The following ZFHX4 variants were observed in gnomAD, a reference collection of about 807,000 sequenced individuals.
ZFHX4 encodes the protein zinc finger homeobox 4.
In ZFHX4, 56 loss-of-function variants were observed where a neutral mutation model predicts 267.6. The ratio of observed to expected loss-of-function variants is 0.21; its 90% CI spans 0.17 to 0.26. The LOEUF is 0.26. Ranked by LOEUF, ZFHX4 falls within the 10% of genes least tolerant of loss-of-function variation. ZFHX4 has a pLI of 1.00. For missense variants in ZFHX4, 4,332 were observed against 4,420.0 expected (o/e 0.98, Z 0.56); for synonymous variants, 1,778 against 1,665.6 (o/e 1.07, Z -1.64).
chr8:76,745,940 T>G (rs1809447278), intron 3 of ZFHX4, among the ~76,000 whole-genome samples: 1 of 152,198 alleles, frequency 6.6e-6, no homozygotes, highest in African/African-American at 2.4e-5. Flanking sequence ...TCCTTGTCAG[T>G]AGGAATCTTT....
At chr8:76,695,674 T>C (rs1268255251) in intron 1 of ZFHX4, among the ~76,000 whole-genome samples, 2 of 152,262 alleles carry the variant, frequency 1.3e-5, no homozygotes, top group Non-Finnish European at 2.9e-5. Flanking sequence ...TCCAGTTAAC[T>C]GTTCTCTTTC....
At chr8:76,790,093 T>G (rs1563523684) in intron 4 of ZFHX4, among the ~76,000 whole-genome samples, 1 of 152,170 alleles carries the variant, frequency 6.6e-6, no homozygotes, top group Non-Finnish European at 1.5e-5. Context: ...CTGGACAATT[T>G]GTTCTGTACA....
In ZFHX4 at chr8:76,864,253, C is replaced by T. The variant is rs1297633851; in HGVS notation, c.10539C>T (p.Asn3513=). 6.2e-7 allele frequency: 1 copy of T among 1,613,846 alleles called. No individual in the cohort carries two copies. Among genetic ancestry groups the T allele is most frequent in the Non-Finnish European group, 8.5e-7 (1 of 1,179,860 alleles). ...CGCAGTCTGCAGCTTCTTCTAATAA[C>T]ACCTATCCTCATCTTTCTTGCTTCT... ...STSQSAASSN[N]TYPHLSCFSM... Residue 3513 remains asparagine (N), a synonymous_variant, in exon 11 of 11, where the codon AAC becomes AAT. Coordinates refer to ENST00000651372, the MANE Select transcript of ZFHX4 (RefSeq NM_024721.5).
intron 4 of ZFHX4, among the ~76,000 whole-genome samples, chr8:76,794,839 A>C (rs1404032863): frequency 2.0e-5 from 3 of 151,826 alleles, no homozygotes; most frequent in Non-Finnish European, 2.9e-5. Context: ...TCTAGTTAAA[A>C]TGGATAGAGA....
Position 76,854,001 on chromosome 8 carries a change from A to G in ZFHX4, c.7080A>G (p.Val2360=), listed in dbSNP as rs563857562. ...CCATGGATGCCACTGATCAAGTGGT[A>G]TACAAGCATTGCACAGTGTCTGGCC... ...EDSMDATDQV[V]YKHCTVSGQT... Residue 2360 remains valine (V), a synonymous_variant, in exon 10 of 11, where the codon GTA becomes GTG. Coordinates refer to ENST00000651372, the MANE Select transcript of ZFHX4 (RefSeq NM_024721.5). The G allele has an allele frequency of 4.3e-6, 7 of 1,613,930 alleles. No homozygotes were observed. In the South Asian group the frequency reaches 5.5e-5, roughly 13 times the overall value.
chr8:76,851,798 T>G lies in ZFHX4; in HGVS notation c.4877T>G (p.Leu1626Arg). ...CAGACAAAGGCTAGGGCTGCAAAGC[T>G]GGAGCCCAGTGGTCATGTGGCTGGT... ...LHQTKARAAK[L>R]EPSGHVAGGH... The change falls in exon 10 of 11, where the codon CTG becomes CGG. Residue 1626 changes from leucine (L) to arginine (R), a missense_variant. This residue lies in a region of ZFHX4 where 1,371 missense variants were observed against 1,423.1 expected (regional missense o/e 0.96). Transcript: ENST00000651372. The G allele has an allele frequency of 6.2e-7, 1 of 1,613,954 alleles. No homozygotes were observed. The highest frequency in any genetic ancestry group is 8.5e-7 in the Non-Finnish European group (1 of 1,179,874).
At chr8:76,809,351 T>G (rs1811320358) in intron 4 of ZFHX4, among the ~76,000 whole-genome samples, 1 of 152,172 alleles carries the variant, frequency 6.6e-6, no homozygotes, top group Admixed American at 6.6e-5. Flanking sequence ...GCAAATAATT[T>G]TGATCTGTGT....
chr8:76,728,530 A>G (rs747542820), intron 3 of ZFHX4, among the ~76,000 whole-genome samples: 1 of 152,222 alleles, frequency 6.6e-6, no homozygotes, highest in South Asian at 2.1e-4. Context: ...AGTAAAAGGT[A>G]TAGTTAATCC....
At chr8:76,749,479 A>G (rs572605984) in intron 3 of ZFHX4, among the ~76,000 whole-genome samples, 8 of 152,252 alleles carry the variant, frequency 5.3e-5, no homozygotes, top group Non-Finnish European at 1.0e-4. Flanking sequence ...AGATGTTCAG[A>G]ACTTTAGGTA....
chr8:76,698,069 A>G, intron 1 of ZFHX4, among the ~76,000 whole-genome samples: 1 of 152,152 alleles, frequency 6.6e-6, no homozygotes, highest in Non-Finnish European at 1.5e-5. Flanking sequence ...GTCAGCTGGA[A>G]TACTAGCAAA....
intron 1 of ZFHX4, among the ~76,000 whole-genome samples, chr8:76,686,681 G>T (rs1037062090): frequency 5.3e-5 from 8 of 152,120 alleles, no homozygotes; most frequent in African/African-American, 1.9e-4. Context: ...GTTCGACAAT[G>T]TCAATGAGAA....
rs536757069 is a variant in ZFHX4 at position 76,866,007 on chromosome 8, T to G, written c.*1442T>G. 1 of 152,784 alleles carries G rather than the reference T, an allele frequency of 6.5e-6. No individual in the cohort carries two copies. The highest frequency in any genetic ancestry group is 2.4e-5 in the African/African-American group (1 of 41,584). The allele number at this position is 152,784 out of a possible 1,614,324, so 9.5% of individuals were successfully genotyped here. On this transcript the variant is annotated 3_prime_UTR_variant, in exon 11 of 11. Coordinates refer to ENST00000651372, the MANE Select transcript of ZFHX4 (RefSeq NM_024721.5). ...CCCAGTGAATTGATTTATAAATTGCTATGCTTTGCTGTTTTTCTGTTGCTG... is the reference window on the plus strand; with the variant it reads ...CCCAGTGAATTGATTTATAAATTGCGATGCTTTGCTGTTTTTCTGTTGCTG...
intron 4 of ZFHX4, among the ~76,000 whole-genome samples, chr8:76,819,372 TA>T (rs1205892023): frequency 3.9e-5 from 6 of 152,180 alleles, no homozygotes; most frequent in African/African-American, 1.4e-4. Flanking sequence ...AAGGATTGAT[TA>T]AACAGAAATA....
intron 3 of ZFHX4, among the ~76,000 whole-genome samples, chr8:76,720,491 G>A (rs529601024): frequency 6.6e-6 from 1 of 152,112 alleles, no homozygotes; most frequent in South Asian, 2.1e-4. Flanking sequence ...ACAAGGTTTT[G>A]TGTGGACATA....
intron 1 of ZFHX4, among the ~76,000 whole-genome samples, chr8:76,685,492 A>T (rs536205751): frequency 4.3e-4 from 65 of 152,330 alleles, no homozygotes; most frequent in African/African-American, 1.5e-3. Flanking sequence ...ACCCAGGCTC[A>T]ATAGTGTAAA....
chr8:76,726,416 A>G (rs1808854526), intron 3 of ZFHX4, among the ~76,000 whole-genome samples: 1 of 152,190 alleles, frequency 6.6e-6, no homozygotes, highest in Non-Finnish European at 1.5e-5. Context: ...CATAATGGAC[A>G]CATGACCATC....
At chr8:76,834,216 T>C (rs1349748128) in intron 5 of ZFHX4, 1 of 400,522 alleles carries the variant, frequency 2.5e-6, no homozygotes, top group Admixed American at 3.0e-5. Flanking sequence ...GGCTTTTGTG[T>C]GGACATAAAT....
At chr8:76,737,865 A>T (rs1809206904) in intron 3 of ZFHX4, among the ~76,000 whole-genome samples, 1 of 152,182 alleles carries the variant, frequency 6.6e-6, no homozygotes, top group Non-Finnish European at 1.5e-5. Context: ...CAGTAGTGTT[A>T]GCCAATCAGA....
rs372361682 is a variant in ZFHX4 at position 76,707,898 on chromosome 8, C to A, written c.2943C>A (p.Gly981=). 1 of 1,613,988 alleles carries A rather than the reference C, an allele frequency of 6.2e-7. No individual in the cohort carries two copies. Among genetic ancestry groups the A allele is most frequent in the South Asian group, 1.1e-5 (1 of 91,074 alleles). ...YQLVAHIKEG[G]KSNEWRLKCI... is the part of the protein sequence containing the mutation. ...TGGTGGCTCACATTAAAGAAGGGGG[C>A]AAAAGCAATGAGTGGAGGTTGAAGT... The change falls in exon 3 of 11, where the codon GGC becomes GGA. Residue 981 remains glycine (G), a synonymous_variant. Transcript: ENST00000651372.
Sources: gnomAD v4.1 joint callset for allele counts (sites outside exome capture counted in the v4.1 genomes callset) on GRCh38, gnomAD v4.1.1 for gene constraint, gnomAD v4.1.1 regional missense constraint, MANE v1.5 for transcripts, NCBI Gene and HGNC (gene_info 2026-07-23, HGNC 2026-07-21) for gene names.